Variants in MAPK8IP1 observed in about 807,000 individuals in gnomAD.
MAPK8IP1 encodes the protein C-Jun-amino-terminal kinase-interacting protein 1.
A neutral mutation model predicts 72.6 loss-of-function variants in MAPK8IP1; 17 were observed. The observed-to-expected ratio is 0.23, with a 90% CI of 0.16 to 0.35. MAPK8IP1 has a LOEUF of 0.35. Among genes scored for constraint, MAPK8IP1 ranks in the 10% least tolerant of loss-of-function variants. The probability of loss-of-function intolerance (pLI) is 1.00; values close to 1 mark genes in which losing one functional copy is unlikely to be tolerated. For missense variants in MAPK8IP1, 789 were observed against 1,009.7 expected (o/e 0.78, Z 2.96); for synonymous variants, 401 against 443.4 (o/e 0.90, Z 1.20).
intron 1 of MAPK8IP1, among the ~76,000 whole-genome samples, chr11:45,887,659 G>A (rs1398244249): frequency 1.3e-5 from 2 of 152,212 alleles, no homozygotes; most frequent in Non-Finnish European, 2.9e-5. Flanking sequence ...TTAATGAGAG[G>A]AGCTGAGGAA....
rs1246645394 is a variant in MAPK8IP1 at position 45,906,135 on chromosome 11, C to CGCCCT, written c.*419_*423dup. The stretch of plus-strand genomic sequence containing the variant: ...GAAGCCTGTGCCACCTGCAAGTGCC[C>CGCCCT]GCCCTGCCCCTGCCCCAACCCCCAC... On this transcript the variant is annotated 3_prime_UTR_variant, in exon 12 of 12. Coordinates refer to ENST00000241014, the MANE Select transcript of MAPK8IP1 (RefSeq NM_005456.4). The CGCCCT allele has an allele frequency of 1.1e-5, 4 of 367,118 alleles. No homozygotes were observed. The South Asian group carries it at 1.4e-4, about 13-fold the overall frequency. The allele number at this position is 367,118 out of a possible 1,614,324, so 22.7% of individuals were successfully genotyped here.
rs2086660261 is a variant in MAPK8IP1, at chr11:45,902,332, G to A, written c.605-40G>A. 1 of 1,479,420 alleles carries A rather than the reference G, an allele frequency of 6.8e-7. No individual in the cohort carries two copies. Among genetic ancestry groups the A allele is most frequent in the African/African-American group, 1.4e-5 (1 of 71,640 alleles). The allele number at this position is 1,479,420 out of a possible 1,614,324, so 91.6% of individuals were successfully genotyped here. A position where few individuals can be genotyped will look rare whatever the true frequency, so the allele number is the denominator to read the frequency against. ...TGGCAGGTGCAGGTAGCTGGGAGTTGGGAGAGAGCCCCTGCCTTCATGACC... is the reference window on the plus strand; with the variant it reads ...TGGCAGGTGCAGGTAGCTGGGAGTTAGGAGAGAGCCCCTGCCTTCATGACC... On this transcript the variant is annotated intron_variant, in intron 4 of 11. Coordinates refer to ENST00000241014, the MANE Select transcript of MAPK8IP1 (RefSeq NM_005456.4). This position sits in a 1 kb window ranked among gnomAD's most constrained non-coding sequence, Gnocchi z 9.3.
chr11:45,896,809 C>A, intron 1 of MAPK8IP1: 1 of 1,541,254 alleles, frequency 6.5e-7, no homozygotes, highest in Non-Finnish European at 8.8e-7. Context: ...TGAGCCCTGG[C>A]CCCCCCACCC....
At chr11:45,896,496 G>T (rs887376677) in intron 1 of MAPK8IP1, 12 of 1,037,046 alleles carry the variant, frequency 1.2e-5, no homozygotes, top group Non-Finnish European at 1.2e-5. Context: ...AGGGAGGGGG[G>T]GCCACTCAGC....
intron 1 of MAPK8IP1, among the ~76,000 whole-genome samples, chr11:45,892,536 C>T (rs1334922999): frequency 6.6e-6 from 1 of 152,200 alleles, no homozygotes; most frequent in Non-Finnish European, 1.5e-5. Flanking sequence ...TACGGAACCA[C>T]AGCCAGGAGG....
chr11:45,900,579 C>G lies in MAPK8IP1; in HGVS notation c.522+127C>G. 3.8e-6 allele frequency: 4 copies of G among 1,047,090 alleles called. No homozygotes were observed. Among genetic ancestry groups the G allele is most frequent in the Non-Finnish European group, 5.4e-6 (4 of 744,472 alleles). The allele number at this position is 1,047,090 out of a possible 1,614,324, so 64.9% of individuals were successfully genotyped here. On this transcript the variant is annotated intron_variant, in intron 3 of 11. Transcript: ENST00000241014. This position sits in a 1 kb window ranked among gnomAD's most constrained non-coding sequence, Gnocchi z 6.5. Reference sequence around the variant, plus strand: ...CTGGGGACAGCGCCTGCATAGGGGCCGCGGTGGCTCGCTCCCGGTGTTGGG... The same window carrying G: ...CTGGGGACAGCGCCTGCATAGGGGCGGCGGTGGCTCGCTCCCGGTGTTGGG...
Position 45,903,295 on chromosome 11 carries a change from C to A in MAPK8IP1, c.1418-70C>A. ...AGGCCCCATCTGGTTAGGACTGAGG[C>A]TTCTACCTGCCCCGCTAAACCTGGA... On this transcript the variant is annotated intron_variant, in intron 5 of 11. Transcript: ENST00000241014. The surrounding 1 kb of genome is among the most constrained non-coding windows in gnomAD (Gnocchi z 6.4). 6.3e-7 allele frequency: 1 copy of A among 1,586,870 alleles called. No homozygotes were observed. Among genetic ancestry groups the A allele is most frequent in the South Asian group, 1.1e-5 (1 of 90,232 alleles).
At chr11:45,886,376 T>A (rs964231037) in intron 1 of MAPK8IP1, among the ~76,000 whole-genome samples, 5 of 152,130 alleles carry the variant, frequency 3.3e-5, no homozygotes, top group Admixed American at 1.3e-4. Flanking sequence ...TTTGAGCCCC[T>A]CCCCGAGCCC....
intron 2 of MAPK8IP1, among the ~76,000 whole-genome samples, chr11:45,899,017 G>C (rs1590785717): frequency 6.6e-6 from 1 of 152,214 alleles, no homozygotes; most frequent in Non-Finnish European, 1.5e-5. Flanking sequence ...TACCATAGGA[G>C]CGTGAGGTGT....
chr11:45,896,831 A>G, intron 1 of MAPK8IP1: 1 of 1,546,804 alleles, frequency 6.5e-7, no homozygotes, highest in Non-Finnish European at 8.7e-7. Flanking sequence ...TCCGGGCATG[A>G]GAGGGCAGCC....
rs547137581 is a variant in MAPK8IP1 at position 45,903,517 on chromosome 11, A to G, written c.1493+77A>G. The G allele has an allele frequency of 2.1e-4, 265 of 1,277,368 alleles. 1 individual carries two copies. In the South Asian group the frequency reaches 3.1e-3, roughly 15 times the overall value. 79.1% of individuals were successfully genotyped at this position (1,277,368 alleles called of 1,614,324 possible). A position where few individuals can be genotyped will look rare whatever the true frequency, so the allele number is the denominator to read the frequency against. On this transcript the variant is annotated intron_variant, in intron 6 of 11. Transcript: ENST00000241014. The surrounding 1 kb of genome is among the most constrained non-coding windows in gnomAD (Gnocchi z 6.4). ...ACCACCCTCTACTTGTCACCCCTACATGGCCTCAGCCTAACCCCTGCCATC... is the reference window on the plus strand; with the variant it reads ...ACCACCCTCTACTTGTCACCCCTACGTGGCCTCAGCCTAACCCCTGCCATC...
In MAPK8IP1 at chr11:45,889,284, C is replaced by T. The variant is rs544971763; in HGVS notation, c.101+3363C>T. 2.6e-3 allele frequency among the ~76,000 whole-genome samples: 398 copies of T among 152,228 alleles called. 2 individuals carry two copies. Among genetic ancestry groups the T allele is most frequent in the Admixed American group, 8.0e-3 (123 of 15,288 alleles). ...TCAGGTGTGGAATTTACAGCCTGTG[C>T]TGTTATGTTGGTGCTCAAACATTTA... On this transcript the variant is annotated intron_variant, in intron 1 of 11. Transcript: ENST00000241014.
rs2086685737 is a variant in MAPK8IP1 at position 45,904,402 on chromosome 11, C to T, written c.1667-53C>T. The T allele has an allele frequency of 1.3e-6, 2 of 1,485,050 alleles. No individual in the cohort carries two copies. Among genetic ancestry groups the T allele is most frequent in the South Asian group, 1.1e-5 (1 of 87,166 alleles). 92.0% of individuals were successfully genotyped at this position (1,485,050 alleles called of 1,614,324 possible). On this transcript the variant is annotated intron_variant, in intron 7 of 11. Transcript: ENST00000241014. The surrounding 1 kb of genome is among the most constrained non-coding windows in gnomAD (Gnocchi z 6.4). ...TCACCCACCCTCCTTCACTTGGCTG[C>T]TCAGCTCCCTCCTGCTCTTTCTGCC...
intron 1 of MAPK8IP1, 121 bp from the exon 2 acceptor site, chr11:45,897,964 A>G: frequency 2.2e-5 from 15 of 692,618 alleles, no homozygotes; most frequent in South Asian, 2.1e-4. Flanking sequence ...ATGAACCCCA[A>G]ATCCTGTCCT....
chr11:45,896,368 C>T (rs956663100), intron 1 of MAPK8IP1, among the ~76,000 whole-genome samples: 1 of 152,262 alleles, frequency 6.6e-6, no homozygotes, highest in African/African-American at 2.4e-5. Flanking sequence ...TTTGGGAAGC[C>T]CCCCTTCATC....
At chr11:45,890,911 C>T (rs2086561821) in intron 1 of MAPK8IP1, among the ~76,000 whole-genome samples, 1 of 152,144 alleles carries the variant, frequency 6.6e-6, no homozygotes, top group Non-Finnish European at 1.5e-5. Context: ...TCAGAGAGGA[C>T]ATCACTGTCC....
intron 1 of MAPK8IP1, among the ~76,000 whole-genome samples, chr11:45,889,084 T>C (rs2086547954): frequency 6.6e-6 from 1 of 152,178 alleles, no homozygotes; most frequent in African/African-American, 2.4e-5. Context: ...TTTTTTGGAT[T>C]TTGGAATATT....
At chr11:45,891,776 T>G (rs192647534) in intron 1 of MAPK8IP1, among the ~76,000 whole-genome samples, 4 of 152,366 alleles carry the variant, frequency 2.6e-5, no homozygotes, top group African/African-American at 9.6e-5. Flanking sequence ...ACACAGACTT[T>G]ATAATGTTGA....
At chr11:45,897,053 C>A in intron 1 of MAPK8IP1, 1 of 1,262,802 alleles carries the variant, frequency 7.9e-7, no homozygotes, top group Non-Finnish European at 1.1e-6. Flanking sequence ...GGAGTCTGGG[C>A]CTCCTAGGTT....
Sources: allele counts gnomAD v4.1 joint callset (sites outside exome capture counted in the v4.1 genomes callset), GRCh38; gene constraint gnomAD v4.1.1; non-coding constraint Gnocchi (gnomAD v3.1); transcripts MANE v1.5; gene names NCBI Gene and HGNC (gene_info 2026-07-23, HGNC 2026-07-21).